Variants in SPOCK3 observed in about 807,000 individuals in gnomAD.
The protein encoded by SPOCK3 is testican-3.
SPOCK3 carries 30 observed loss-of-function variants against 56.6 expected under a neutral mutation model. The observed-to-expected ratio is 0.53, with a 90% CI of 0.40 to 0.72. The LOEUF is 0.72. Ranked by LOEUF, SPOCK3 falls within the 30% of genes least tolerant of loss-of-function variation. The probability of loss-of-function intolerance (pLI) is 0.00; values close to 1 mark genes in which losing one functional copy is unlikely to be tolerated. For missense variants in SPOCK3, 527 were observed against 530.0 expected (o/e 0.99, Z 0.06); for synonymous variants, 196 against 183.3 (o/e 1.07, Z -0.56).
chr4:166,907,949 C>A (rs1736808233), intron 5 of SPOCK3, among the ~76,000 whole-genome samples: 1 of 151,902 alleles, frequency 6.6e-6, no homozygotes, highest in Admixed American at 6.6e-5. Flanking sequence ...AGTGCACATC[C>A]ATTTCTGACA....
At chr4:167,221,903 C>T (rs1394013515) in intron 2 of SPOCK3, among the ~76,000 whole-genome samples, 1 of 152,006 alleles carries the variant, frequency 6.6e-6, no homozygotes, top group African/African-American at 2.4e-5. Context: ...TATGGCAGTT[C>T]CTAAAAAAAT....
chr4:166,944,859 T>C (rs1343941003), intron 4 of SPOCK3, among the ~76,000 whole-genome samples: 1 of 152,220 alleles, frequency 6.6e-6, no homozygotes, highest in African/African-American at 2.4e-5. Flanking sequence ...GGAAGTACTT[T>C]AAGACTATGT....
At chr4:167,064,631 G>A (rs1299599395) in intron 2 of SPOCK3, among the ~76,000 whole-genome samples, 2 of 151,756 alleles carry the variant, frequency 1.3e-5, no homozygotes, top group Admixed American at 1.3e-4. Flanking sequence ...TCCTGAAGCA[G>A]AACAGAAAGC....
At chr4:167,221,131 G>A (rs1013964367) in intron 2 of SPOCK3, among the ~76,000 whole-genome samples, 9 of 151,916 alleles carry the variant, frequency 5.9e-5, no homozygotes, top group Admixed American at 1.3e-4. Flanking sequence ...AGGCTGAGGC[G>A]GGAGGATGGC....
intron 2 of SPOCK3, among the ~76,000 whole-genome samples, chr4:167,222,083 C>T (rs1041016453): frequency 6.6e-6 from 1 of 151,902 alleles, no homozygotes; most frequent in Non-Finnish European, 1.5e-5. Context: ...GATAAGTGGA[C>T]AAATGTAAAA....
chr4:166,969,634 C>T (rs887374324), intron 4 of SPOCK3, among the ~76,000 whole-genome samples: 1 of 151,652 alleles, frequency 6.6e-6, no homozygotes, highest in Admixed American at 6.6e-5. Context: ...TGCCCTTCTA[C>T]CATAACTGTA....
intron 2 of SPOCK3, among the ~76,000 whole-genome samples, chr4:167,231,770 T>C (rs1459845651): frequency 6.6e-6 from 1 of 152,118 alleles, no homozygotes; most frequent in East Asian, 1.9e-4. Context: ...ACTGTCAGCA[T>C]ACCTTTCATC....
intron 2 of SPOCK3, among the ~76,000 whole-genome samples, chr4:167,107,867 C>T (rs1376755238): frequency 1.3e-5 from 2 of 151,632 alleles, no homozygotes; most frequent in Non-Finnish European, 2.9e-5. Flanking sequence ...AAATTAAATA[C>T]CTAGGAATTA....
chr4:166,781,893 C>T (rs1175229334), intron 7 of SPOCK3, among the ~76,000 whole-genome samples: 1 of 152,084 alleles, frequency 6.6e-6, no homozygotes, highest in Non-Finnish European at 1.5e-5. Context: ...CAAAACAAAA[C>T]ACAAAGCTCT....
chr4:167,002,780 A>T (rs1029910255), intron 3 of SPOCK3, among the ~76,000 whole-genome samples: 1 of 152,192 alleles, frequency 6.6e-6, no homozygotes, highest in Non-Finnish European at 1.5e-5. Flanking sequence ...TAAAAGAAAA[A>T]AACACACTAT....
intron 2 of SPOCK3, among the ~76,000 whole-genome samples, chr4:167,142,692 G>T (rs958912166): frequency 6.6e-6 from 1 of 151,900 alleles, no homozygotes; most frequent in Non-Finnish European, 1.5e-5. Flanking sequence ...TAGATGCAAA[G>T]GAGATTAAGC....
At chr4:166,747,927 G>A (rs75141667) in intron 8 of SPOCK3, among the ~76,000 whole-genome samples, 119,871 of 151,734 alleles carry the variant, frequency 0.79, 47,601 homozygotes, top group South Asian at 0.82. Context: ...CCAACTTATA[G>A]GAAATGTGAA....
chr4:167,116,578 A>G (rs1761364018), intron 2 of SPOCK3, among the ~76,000 whole-genome samples: 1 of 87,770 alleles, frequency 1.1e-5, no homozygotes, highest in Non-Finnish European at 2.2e-5. Flanking sequence ...TTATACATAT[A>G]TAGTTTTGTA....
intron 3 of SPOCK3, chr4:167,011,405 T>C (rs1750050901): frequency 4.9e-5 from 18 of 364,616 alleles, no homozygotes; most frequent in South Asian, 3.4e-4. Context: ...TCATCATTGT[T>C]TCCATGCCCC....
At chr4:167,018,565 G>T (rs758131068) in intron 3 of SPOCK3, among the ~76,000 whole-genome samples, 15 of 152,044 alleles carry the variant, frequency 9.9e-5, no homozygotes, top group Non-Finnish European at 1.5e-4. Context: ...CTCAATTGTT[G>T]GTTCTTCCTC....
intron 5 of SPOCK3, among the ~76,000 whole-genome samples, chr4:166,899,159 G>C (rs1231733129): frequency 6.6e-6 from 1 of 151,636 alleles, no homozygotes; most frequent in East Asian, 2.0e-4. Context: ...CATCTTTCCT[G>C]ACTTTCCTGC....
At chr4:166,770,129 G>A (rs1261892989) in intron 7 of SPOCK3, among the ~76,000 whole-genome samples, 2 of 152,124 alleles carry the variant, frequency 1.3e-5, no homozygotes, top group Non-Finnish European at 2.9e-5. Flanking sequence ...GACCCCTTGA[G>A]CTTCCCTGGT....
At chr4:166,993,929 T>C (rs1277433000) in intron 4 of SPOCK3, among the ~76,000 whole-genome samples, 4 of 152,198 alleles carry the variant, frequency 2.6e-5, no homozygotes, top group East Asian at 1.9e-4. Context: ...ATACATAGTA[T>C]AATTATCAAC....
chr4:166,899,870 T>C (rs944655743), intron 5 of SPOCK3, among the ~76,000 whole-genome samples: 1 of 152,202 alleles, frequency 6.6e-6, no homozygotes, highest in African/African-American at 2.4e-5. Flanking sequence ...CTTATCTCTC[T>C]AACAGTGAAG....
Sources: gnomAD v4.1 joint callset for allele counts (sites outside exome capture counted in the v4.1 genomes callset) on GRCh38, gnomAD v4.1.1 for gene constraint, MANE v1.5 for transcripts, NCBI Gene and HGNC (gene_info 2026-07-23, HGNC 2026-07-21) for gene names.